The following MBP variants were observed in gnomAD, a reference collection of about 807,000 sequenced individuals.
MBP encodes myelin basic protein, also known as Golli-MBP.
A neutral mutation model predicts 35.8 loss-of-function variants in MBP; 16 were observed. That is an observed-to-expected ratio of 0.45 (90% confidence interval 0.30 to 0.68). The LOEUF (loss-of-function observed/expected upper bound fraction) is 0.68, where lower values mean the gene tolerates loss of function less well. Ranked by LOEUF, MBP falls within the 30% of genes least tolerant of loss-of-function variation. MBP has a pLI of 0.08. For missense variants in MBP, 380 were observed against 404.7 expected (o/e 0.94, Z 0.52); for synonymous variants, 143 against 159.6 (o/e 0.90, Z 0.78).
At position 77,017,179 on chromosome 18, in the gene MBP, A is replaced by G; in HGVS notation, c.229T>C (p.Trp77Arg). Residue 77 changes from tryptophan (W) to arginine (R), a missense_variant, in exon 4 of 9, where the codon TGG becomes CGG. Trp to Arg is a moderately radical substitution (Grantham distance 101, BLOSUM62 -3). Transcript: ENST00000355994. ...GGGTCAGCTGGGTGGGCATCCTGCC[A>G]GGCATTCTTCGGGTCCGCTGTGCGC... ...SKRTADPKNA[W>R]QDAHPADPGS... The G allele has an allele frequency of 6.5e-7, 1 of 1,543,744 alleles. No homozygotes were observed. Among genetic ancestry groups the G allele is most frequent in the Non-Finnish European group, 8.7e-7 (1 of 1,144,314 alleles).
chr18:77,045,978 C>T (rs1317775961), intron 3 of MBP, among the ~76,000 whole-genome samples: 3 of 152,056 alleles, frequency 2.0e-5, no homozygotes, highest in African/African-American at 4.8e-5. Context: ...GCAAACATGT[C>T]GATGGATGTG....
intron 4 of MBP, among the ~76,000 whole-genome samples, chr18:77,011,391 T>C (rs968693824): frequency 6.6e-6 from 1 of 152,186 alleles, no homozygotes. Flanking sequence ...GAACTTTCCA[T>C]TAATTTTCCC....
At chr18:77,035,648 C>T (rs1276268955) in intron 3 of MBP, among the ~76,000 whole-genome samples, 4 of 149,532 alleles carry the variant, frequency 2.7e-5, no homozygotes, top group South Asian at 4.3e-4. Flanking sequence ...CCACACGTCA[C>T]GCTGCAGGTG....
At position 77,013,580 on chromosome 18, in the gene MBP, C is replaced by A. The variant is rs1971463716; in HGVS notation, c.576+3252G>T. 5 of 985,276 alleles carry A rather than the reference C, an allele frequency of 5.1e-6. No homozygotes were observed. The African/African-American group carries it at 8.7e-5, about 17-fold the overall frequency. 61.0% of individuals were successfully genotyped at this position (985,276 alleles called of 1,614,324 possible). A position where few individuals can be genotyped will look rare whatever the true frequency, so the allele number is the denominator to read the frequency against. On this transcript the variant is annotated intron_variant, in intron 4 of 8. Coordinates refer to ENST00000355994, the MANE Select transcript of MBP (RefSeq NM_001025101.2). ...CCACGGCACTGAATGACAAACAGTT[C>A]TTCTCCATACAGTCGCAATTAGAGG...
rs8083543 is a variant in MBP at position 77,014,756 on chromosome 18, C to G, written c.576+2076G>C. On this transcript the variant is annotated intron_variant, in intron 4 of 8. Coordinates refer to ENST00000355994, the MANE Select transcript of MBP (RefSeq NM_001025101.2). ...ATCACATCCCCACTGCGTGCGCTCCCCCGGGATGCCTCACAGCTGCTCTGT... is the reference window on the plus strand; with the variant it reads ...ATCACATCCCCACTGCGTGCGCTCCGCCGGGATGCCTCACAGCTGCTCTGT... The G allele has an allele frequency of 1.7e-5, 17 of 985,286 alleles. No homozygotes were observed. In the Admixed American group the frequency reaches 9.2e-4, roughly 53 times the overall value. The allele number at this position is 985,286 out of a possible 1,614,324, so 61.0% of individuals were successfully genotyped here.
chr18:77,085,084 C>T (rs943879655), intron 2 of MBP, among the ~76,000 whole-genome samples: 8 of 151,460 alleles, frequency 5.3e-5, no homozygotes. Context: ...GGTTAAGGGC[C>T]GTTATTCAGT....
chr18:76,985,936 C>T lies in MBP; in HGVS notation c.751-1042G>A, dbSNP rs116417331. ...CTGGCTTCCTCATGGGCCGTGTGAC[C>T]GCAGGGGCTTCCTGACACACATGGG... On this transcript the variant is annotated intron_variant, in intron 7 of 8. Transcript: ENST00000355994. The T allele has an allele frequency of 1.7e-3, 1,710 of 986,096 alleles. 19 individuals carry two copies. In the African/African-American group the frequency reaches 0.026, roughly 15 times the overall value. The allele number at this position is 986,096 out of a possible 1,614,324, so 61.1% of individuals were successfully genotyped here.
At chr18:77,092,158 C>A (rs1345353933) in intron 2 of MBP, among the ~76,000 whole-genome samples, 1 of 152,266 alleles carries the variant, frequency 6.6e-6, no homozygotes, top group Admixed American at 6.5e-5. Flanking sequence ...TGTCTCTGCA[C>A]AGCTGCAATT....
chr18:77,001,490 A>G (rs1331453858), intron 4 of MBP, among the ~76,000 whole-genome samples: 1 of 152,226 alleles, frequency 6.6e-6, no homozygotes, highest in Non-Finnish European at 1.5e-5. Context: ...CCTATTTCAC[A>G]TGGAATCCTT....
chr18:77,035,063 C>T (rs1166415112), intron 3 of MBP, among the ~76,000 whole-genome samples: 1 of 152,226 alleles, frequency 6.6e-6, no homozygotes, highest in African/African-American at 2.4e-5. Flanking sequence ...AGTTTACCTT[C>T]CATGGAAGCA....
intron 3 of MBP, among the ~76,000 whole-genome samples, chr18:77,033,950 C>T (rs1342528487): frequency 6.6e-6 from 1 of 151,492 alleles, no homozygotes; most frequent in African/African-American, 2.4e-5. Flanking sequence ...TCCCACTAAT[C>T]CTCACCCTGA....
intron 3 of MBP, among the ~76,000 whole-genome samples, chr18:77,028,085 A>C (rs1223899530): frequency 6.8e-6 from 1 of 147,500 alleles, no homozygotes; most frequent in Non-Finnish European, 1.5e-5. Context: ...GAAGGTCAGC[A>C]GATAAACAAG....
chr18:76,985,889 C>A, intron 7 of MBP: 1 of 987,142 alleles, frequency 1.0e-6, no homozygotes, highest in Non-Finnish European at 1.2e-6. Flanking sequence ...CTGCCCTGGC[C>A]TCATCAGCCC....
chr18:77,019,032 TCATC>T (rs10526394), intron 3 of MBP, among the ~76,000 whole-genome samples: 47,587 of 137,924 alleles, frequency 0.35, 8,300 homozygotes, highest in African/African-American at 0.45. Flanking sequence ...ACCTACCTGT[TCATC>T]CATCCATCCA....
chr18:77,029,262 C>A (rs1203336055), intron 3 of MBP, among the ~76,000 whole-genome samples: 51 of 149,498 alleles, frequency 3.4e-4, no homozygotes, highest in African/African-American at 1.2e-3. Flanking sequence ...AATACGAAAA[C>A]CAGTCAGGCG....
chr18:77,126,314 G>T (rs552551022), intron 1 of MBP, among the ~76,000 whole-genome samples: 2 of 152,034 alleles, frequency 1.3e-5, no homozygotes, highest in Admixed American at 1.3e-4. Context: ...AGTCAAAGAA[G>T]AAAAATCTCA....
chr18:77,099,610 GCT>G (rs1460848155), intron 2 of MBP, among the ~76,000 whole-genome samples: 1 of 152,238 alleles, frequency 6.6e-6, no homozygotes, highest in African/African-American at 2.4e-5. Context: ...GCCTGGCTTT[GCT>G]CTCTGGCTTC....
chr18:77,052,629 T>A (rs990275666), intron 3 of MBP, among the ~76,000 whole-genome samples: 1 of 152,214 alleles, frequency 6.6e-6, no homozygotes, highest in African/African-American at 2.4e-5. Flanking sequence ...AGCTATGATT[T>A]ATGAGTGTTT....
At chr18:77,058,783 C>A (rs188518350) in intron 3 of MBP, among the ~76,000 whole-genome samples, 1 of 152,354 alleles carries the variant, frequency 6.6e-6, no homozygotes, top group African/African-American at 2.4e-5. Context: ...GGGGGCTCCT[C>A]GGCCGGCCGA....
Sources: gnomAD v4.1 joint callset for allele counts (sites outside exome capture counted in the v4.1 genomes callset) on GRCh38, gnomAD v4.1.1 for gene constraint, MANE v1.5 for transcripts, NCBI Gene and HGNC (gene_info 2026-07-23, HGNC 2026-07-21) for gene names.